The following VTI1A variants were observed in gnomAD, a reference collection of about 807,000 sequenced individuals.
VTI1A encodes vesicle transport through interaction with t-SNAREs homolog 1A.
In VTI1A, 22 loss-of-function variants were observed where a neutral mutation model predicts 34.9. The ratio of observed to expected loss-of-function variants is 0.63; its 90% CI spans 0.45 to 0.90. The LOEUF is 0.90. Ranked by LOEUF, VTI1A falls within the 40% of genes least tolerant of loss-of-function variation. The probability of loss-of-function intolerance (pLI) is 0.00; values close to 1 mark genes in which losing one functional copy is unlikely to be tolerated. For synonymous variants in VTI1A, 87 were observed against 97.3 expected (o/e 0.89, Z 0.62); for missense variants, 268 against 275.6 (o/e 0.97, Z 0.20).
the VTI1A span, chr10:112,832,368 G>C: frequency 6.6e-6 from 1 of 152,254 alleles, no homozygotes; most frequent in Non-Finnish European, 1.5e-5. Context: ...AGTTAGGCTG[G>C]AGAGGGCCTG....
At chr10:112,605,572 A>G (rs1242540407) in intron 5 of VTI1A, among the ~76,000 whole-genome samples, 1 of 152,166 alleles carries the variant, frequency 6.6e-6, no homozygotes, top group Non-Finnish European at 1.5e-5. Context: ...CCACACCAGG[A>G]GTCTGTAACT....
chr10:112,656,362 T>C (rs1369359336), intron 5 of VTI1A, among the ~76,000 whole-genome samples: 1 of 149,978 alleles, frequency 6.7e-6, no homozygotes, highest in Non-Finnish European at 1.5e-5. Context: ...AACTGACTTA[T>C]CTCTTTGAAT....
chr10:112,728,286 T>C (rs1302031370), intron 7 of VTI1A, among the ~76,000 whole-genome samples: 1 of 152,030 alleles, frequency 6.6e-6, no homozygotes, highest in Non-Finnish European at 1.5e-5. Flanking sequence ...AAATCAGTAG[T>C]AGAGGGTGTC....
intron 5 of VTI1A, 22 bp from the exon 6 acceptor site, chr10:112,668,196 A>G (rs1439307790): frequency 6.2e-7 from 1 of 1,608,554 alleles, no homozygotes; most frequent in Middle Eastern, 1.7e-4. Context: ...ATTTTTCCTC[A>G]CTCAAATTTT....
intron 7 of VTI1A, among the ~76,000 whole-genome samples, chr10:112,768,440 G>A (rs539967156): frequency 6.6e-6 from 1 of 152,288 alleles, no homozygotes; most frequent in East Asian, 1.9e-4. Flanking sequence ...AATTCCTGGA[G>A]CAACTGCTGC....
intron 1 of VTI1A, among the ~76,000 whole-genome samples, 189 bp from the exon 2 acceptor site, chr10:112,460,335 A>G (rs963538009): frequency 1.1e-4 from 16 of 152,142 alleles, no homozygotes; most frequent in African/African-American, 3.4e-4. Context: ...ATCAGATTAT[A>G]TGTTTCTAGA....
At chr10:112,734,781 T>C (rs757077291) in intron 7 of VTI1A, among the ~76,000 whole-genome samples, 1 of 151,666 alleles carries the variant, frequency 6.6e-6, no homozygotes, top group Non-Finnish European at 1.5e-5. Flanking sequence ...GCCTCCCGAA[T>C]AGCTGGGATT....
At chr10:112,689,033 T>G (rs1001071465) in intron 7 of VTI1A, among the ~76,000 whole-genome samples, 2 of 152,182 alleles carry the variant, frequency 1.3e-5, no homozygotes, top group African/African-American at 4.8e-5. Flanking sequence ...AAGAGCACTC[T>G]CAGTTTTGAC....
intron 2 of VTI1A, 116 bp downstream of exon 2, chr10:112,460,698 T>C (rs1338873959): frequency 1.7e-5 from 13 of 749,760 alleles, no homozygotes; most frequent in Non-Finnish European, 2.3e-5. Flanking sequence ...TAGCATTTTA[T>C]AATTCAGAAT....
intron 5 of VTI1A, among the ~76,000 whole-genome samples, chr10:112,583,154 C>T (rs1285128228): frequency 2.6e-5 from 4 of 152,154 alleles, no homozygotes; most frequent in African/African-American, 9.7e-5. Flanking sequence ...GTTCTTGGAG[C>T]TCAACTCGTA....
At chr10:112,529,693 G>C (rs987777943) in intron 4 of VTI1A, among the ~76,000 whole-genome samples, 1 of 151,918 alleles carries the variant, frequency 6.6e-6, no homozygotes, top group African/African-American at 2.4e-5. Flanking sequence ...AACAAAATGA[G>C]ATAAAAATAG....
intron 3 of VTI1A, among the ~76,000 whole-genome samples, chr10:112,525,932 T>C (rs1476151198): frequency 6.6e-6 from 1 of 152,256 alleles, no homozygotes; most frequent in African/African-American, 2.4e-5. Flanking sequence ...TCTGGAATTA[T>C]TGATAGTCCT....
At chr10:112,622,887 T>C (rs769829878) in intron 5 of VTI1A, among the ~76,000 whole-genome samples, 1 of 152,234 alleles carries the variant, frequency 6.6e-6, no homozygotes, top group Non-Finnish European at 1.5e-5. Context: ...TTCCAGTGCA[T>C]TTAGACAAGC....
At chr10:112,501,638 G>C (rs1294791519) in intron 3 of VTI1A, among the ~76,000 whole-genome samples, 7 of 151,400 alleles carry the variant, frequency 4.6e-5, no homozygotes, top group Non-Finnish European at 1.0e-4. Context: ...AAACCTTTTT[G>C]CTACTCCCTC....
At chr10:112,700,459 TAATC>T (rs140413356) in intron 7 of VTI1A, among the ~76,000 whole-genome samples, 2,629 of 152,348 alleles carry the variant, frequency 0.017, 41 homozygotes, top group Non-Finnish European at 0.027. Flanking sequence ...AGGCACTTTC[TAATC>T]AATCATCTTT....
intron 7 of VTI1A, among the ~76,000 whole-genome samples, chr10:112,800,862 T>C (rs1852853386): frequency 6.6e-6 from 1 of 152,176 alleles, no homozygotes; most frequent in South Asian, 2.1e-4. Context: ...ATTTTCACAC[T>C]AAAACAGTCA....
intron 5 of VTI1A, among the ~76,000 whole-genome samples, chr10:112,638,609 A>G (rs1423299125): frequency 1.3e-5 from 2 of 152,274 alleles, no homozygotes; most frequent in East Asian, 3.9e-4. Flanking sequence ...AAATTCCATG[A>G]GACACTTTTT....
intron 3 of VTI1A, among the ~76,000 whole-genome samples, chr10:112,479,418 T>G (rs1462998053): frequency 2.6e-5 from 4 of 152,194 alleles, no homozygotes; most frequent in Non-Finnish European, 4.4e-5. Context: ...GGAGGGGTTC[T>G]CTCTGGAAGT....
intron 7 of VTI1A, among the ~76,000 whole-genome samples, chr10:112,730,108 C>T (rs1850195749): frequency 6.6e-6 from 1 of 152,220 alleles, no homozygotes; most frequent in African/African-American, 2.4e-5. Context: ...GAAAATTATG[C>T]TGGCCTTTTG....
Sources: gnomAD v4.1 joint callset for allele counts (sites outside exome capture counted in the v4.1 genomes callset) on GRCh38, gnomAD v4.1.1 for gene constraint, MANE v1.5 for transcripts, NCBI Gene and HGNC (gene_info 2026-07-23, HGNC 2026-07-21) for gene names.